Variants in RAB27B observed in about 807,000 individuals in gnomAD.
RAB27B encodes RAB27B, member RAS oncogene family, also known as ras-related protein Rab-27B.
RAB27B carries 15 observed loss-of-function variants against 24.6 expected under a neutral mutation model. That is an observed-to-expected ratio of 0.61 (90% CI 0.41 to 0.94). The LOEUF (loss-of-function observed/expected upper bound fraction) is 0.94, where lower values mean the gene tolerates loss of function less well. Among genes scored for constraint, RAB27B ranks in the 40% least tolerant of loss-of-function variants. The probability of loss-of-function intolerance (pLI) is 0.00; values close to 1 mark genes in which losing one functional copy is unlikely to be tolerated. For missense variants in RAB27B, 261 were observed against 266.8 expected (o/e 0.98, Z 0.15); for synonymous variants, 105 against 92.5 (o/e 1.14, Z -0.78).
intron 2 of RAB27B, among the ~76,000 whole-genome samples, chr18:54,745,929 AG>A (rs1341513564): frequency 1.3e-5 from 2 of 150,834 alleles, no homozygotes; most frequent in East Asian, 3.9e-4. Flanking sequence ...ATAGATACAA[AG>A]ATGGATACTG....
chr18:54,868,783 C>T (rs771327836), intron 1 of RAB27B, among the ~76,000 whole-genome samples: 3 of 152,114 alleles, frequency 2.0e-5, no homozygotes, highest in Non-Finnish European at 4.4e-5. Flanking sequence ...TGTGCCACCA[C>T]GCCTGGCAAA....
chr18:54,813,963 C>T (rs1225885757), intron 2 of RAB27B, among the ~76,000 whole-genome samples: 2 of 152,104 alleles, frequency 1.3e-5, no homozygotes, highest in Non-Finnish European at 2.9e-5. Flanking sequence ...CTCTAAGCAC[C>T]TAACATAGTA....
rs140823778 is a variant in RAB27B at position 54,751,988 on chromosome 18, G to C, written c.-20+33847G>C. On this transcript the variant is annotated intron_variant, in intron 2 of 4. Coordinates refer to the RAB27B transcript ENST00000586570. Reference sequence around the variant, plus strand: ...TCATAGTCCTCAGTGGCCGCAACAGGCTCATGCCCTTAGATCCAAATTGCG... The same window carrying C: ...TCATAGTCCTCAGTGGCCGCAACAGCCTCATGCCCTTAGATCCAAATTGCG... 8.7e-3 allele frequency among the ~76,000 whole-genome samples: 1,321 copies of C among 152,238 alleles called. 8 individuals are homozygous for C. The highest frequency in any genetic ancestry group is 0.014 in the Non-Finnish European group (946 of 68,028).
At chr18:54,737,603 A>C (rs1909935500) in intron 2 of RAB27B, among the ~76,000 whole-genome samples, 1 of 152,196 alleles carries the variant, frequency 6.6e-6, no homozygotes, top group Admixed American at 6.5e-5. Context: ...AGCACAAAAT[A>C]ATCTTTGTAT....
upstream of RAB27B, chr18:54,828,141 T>C (rs1316151991): frequency 1.3e-5 from 2 of 152,136 alleles, no homozygotes; most frequent in Admixed American, 1.3e-4. Context: ...TCACTCCTCA[T>C]AGTTAATGAG....
chr18:54,785,675 C>A (rs994151672), intron 2 of RAB27B, among the ~76,000 whole-genome samples: 3 of 152,050 alleles, frequency 2.0e-5, no homozygotes, highest in Admixed American at 6.6e-5. Context: ...GTTTTGTTCC[C>A]TGTTCTATGC....
At chr18:54,855,823 G>A (rs1911762490) in intron 1 of RAB27B, among the ~76,000 whole-genome samples, 2 of 152,196 alleles carry the variant, frequency 1.3e-5, no homozygotes, top group Admixed American at 1.3e-4. Flanking sequence ...GTACCTTTGA[G>A]TAAAGATGCT....
intron 2 of RAB27B, among the ~76,000 whole-genome samples, chr18:54,761,942 G>C (rs1172686263): frequency 6.6e-6 from 1 of 152,158 alleles, no homozygotes; most frequent in East Asian, 1.9e-4. Context: ...TAAGAATTGA[G>C]ATGAGATCCT....
intron 2 of RAB27B, among the ~76,000 whole-genome samples, chr18:54,815,565 A>G (rs1480084410): frequency 1.3e-5 from 2 of 152,296 alleles, no homozygotes; most frequent in African/African-American, 4.8e-5. Context: ...TCTAAAATCA[A>G]TTTATTGATT....
chr18:54,765,116 A>G (rs531580038), intron 2 of RAB27B, among the ~76,000 whole-genome samples: 2 of 152,320 alleles, frequency 1.3e-5, no homozygotes, highest in East Asian at 1.9e-4. Flanking sequence ...AAAAAAAACC[A>G]AAAAGAAAAC....
At chr18:54,789,535 ATAT>A (rs1321953026) in intron 2 of RAB27B, among the ~76,000 whole-genome samples, 1 of 152,148 alleles carries the variant, frequency 6.6e-6, no homozygotes. Context: ...TCATTTGAAT[ATAT>A]TATTATCCAA....
At chr18:54,795,210 C>G (rs775704177) in intron 2 of RAB27B, among the ~76,000 whole-genome samples, 4 of 152,302 alleles carry the variant, frequency 2.6e-5, no homozygotes, top group Non-Finnish European at 5.9e-5. Context: ...TGAGCCCCCC[C>G]ACACCCGCCC....
intron 2 of RAB27B, among the ~76,000 whole-genome samples, chr18:54,781,699 C>T (rs1167220626): frequency 2.0e-5 from 3 of 152,300 alleles, no homozygotes; most frequent in South Asian, 4.1e-4. Context: ...CATGTTACTA[C>T]ATTTATAGCA....
At chr18:54,772,465 C>A (rs1908581359) in intron 2 of RAB27B, among the ~76,000 whole-genome samples, 1 of 152,172 alleles carries the variant, frequency 6.6e-6, no homozygotes, top group African/African-American at 2.4e-5. Flanking sequence ...TCTGTATTGG[C>A]CTCTAGGCTT....
intron 2 of RAB27B, among the ~76,000 whole-genome samples, chr18:54,729,543 A>G (rs1228130970): frequency 6.6e-6 from 1 of 152,212 alleles, no homozygotes; most frequent in Non-Finnish European, 1.5e-5. Context: ...ATAGCATTCT[A>G]AAGTATCTTG....
chr18:54,850,310 T>C (rs1598959005), intron 1 of RAB27B, among the ~76,000 whole-genome samples: 2 of 113,430 alleles, frequency 1.8e-5, no homozygotes, highest in South Asian at 3.3e-4. Flanking sequence ...TACCTGTATA[T>C]TTATTTAAAA....
chr18:54,829,176 G>A (rs754766400), intron 1 of RAB27B, among the ~76,000 whole-genome samples: 1 of 152,176 alleles, frequency 6.6e-6, no homozygotes, highest in Admixed American at 6.5e-5. Context: ...GAGACCTTAA[G>A]AGTACTTTCT....
chr18:54,874,562 T>A (rs1336213327), intron 1 of RAB27B, among the ~76,000 whole-genome samples: 3 of 143,278 alleles, frequency 2.1e-5, no homozygotes, highest in African/African-American at 5.2e-5. Flanking sequence ...ACACATTTGC[T>A]AAAAAAAAAA....
At chr18:54,803,628 G>A (rs1056272368) in intron 2 of RAB27B, among the ~76,000 whole-genome samples, 4 of 152,124 alleles carry the variant, frequency 2.6e-5, no homozygotes, top group African/African-American at 4.8e-5. Context: ...GATGGATGAT[G>A]ATATGCAATA....
Sources: allele counts gnomAD v4.1 joint callset (sites outside exome capture counted in the v4.1 genomes callset), GRCh38; gene constraint gnomAD v4.1.1; transcripts MANE v1.5; gene names NCBI Gene and HGNC (gene_info 2026-07-23, HGNC 2026-07-21).